ITGB6: variants seen among roughly 807,000 people sequenced by gnomAD.
ITGB6 encodes integrin subunit beta 6.
A neutral mutation model predicts 84.5 loss-of-function variants in ITGB6; 80 were observed. The ratio of observed to expected loss-of-function variants is 0.95; its 90% CI spans 0.79 to 1.14. The LOEUF (loss-of-function observed/expected upper bound fraction) is 1.14, where lower values mean the gene tolerates loss of function less well. Among genes scored for constraint, ITGB6 ranks in the 50% most tolerant of loss-of-function variants. ITGB6 has a pLI of 0.00. For synonymous variants in ITGB6, 383 were observed against 354.9 expected, an observed-to-expected ratio of 1.08 and a Z score of -0.89; for missense variants, 1,006 against 968.0, an observed-to-expected ratio of 1.04 and a Z score of -0.52.
chr2:160,195,290 C>T, intron 4 of ITGB6, 79 bp downstream of exon 4: 1 of 1,564,962 alleles, frequency 6.4e-7, no homozygotes, highest in Non-Finnish European at 8.7e-7. Context: ...TTAGCAAGCT[C>T]CTGGCAAGTG....
chr2:160,107,609 T>G, intron 14 of ITGB6, 70 bp downstream of exon 14: 4 of 1,395,362 alleles, frequency 2.9e-6, no homozygotes, highest in Non-Finnish European at 4.0e-6. Flanking sequence ...AGAAGAAAGC[T>G]GAGCCCCTCA....
chr2:160,118,142 G>T (rs1022526705), intron 12 of ITGB6, among the ~76,000 whole-genome samples: 8 of 152,106 alleles, frequency 5.3e-5, no homozygotes, highest in African/African-American at 1.9e-4. Context: ...GAAAAAGGGG[G>T]AATCCTCCCT....
chr2:160,192,168 AC>A (rs1276980035), intron 4 of ITGB6, among the ~76,000 whole-genome samples: 1 of 152,098 alleles, frequency 6.6e-6, no homozygotes, highest in East Asian at 1.9e-4. Context: ...TCTAGGATAA[AC>A]AAAATGAAAG....
chr2:160,185,430 G>T (rs940128085), intron 4 of ITGB6, among the ~76,000 whole-genome samples: 1 of 152,114 alleles, frequency 6.6e-6, no homozygotes, highest in Non-Finnish European at 1.5e-5. Flanking sequence ...GGATGTGAAG[G>T]ACCTCTTCAA....
intron 11 of ITGB6, among the ~76,000 whole-genome samples, 170 bp from the exon 12 acceptor site, chr2:160,124,058 T>C (rs1188267075): frequency 1.3e-5 from 2 of 152,266 alleles, no homozygotes; most frequent in Non-Finnish European, 2.9e-5. Context: ...AAGTGAACAC[T>C]GAATTATTCT....
chr2:160,132,514 G>A (rs72979930), intron 10 of ITGB6, among the ~76,000 whole-genome samples: 19,396 of 151,984 alleles, frequency 0.13, 1,756 homozygotes, highest in Admixed American at 0.28. Flanking sequence ...TCCTAACGCT[G>A]TCTTTTAAAA....
intron 7 of ITGB6, among the ~76,000 whole-genome samples, chr2:160,142,781 A>G (rs1189543480): frequency 6.6e-6 from 1 of 152,220 alleles, no homozygotes; most frequent in Non-Finnish European, 1.5e-5. Flanking sequence ...CACTCCAGGC[A>G]TCGGGCATGG....
intron 7 of ITGB6, among the ~76,000 whole-genome samples, chr2:160,144,826 C>T (rs1684132336): frequency 6.6e-6 from 1 of 152,168 alleles, no homozygotes; most frequent in Non-Finnish European, 1.5e-5. Flanking sequence ...AAGTGGTTAC[C>T]ATTAATCGCT....
chr2:160,121,873 A>G (rs545405870), intron 12 of ITGB6, among the ~76,000 whole-genome samples: 10 of 151,298 alleles, frequency 6.6e-5, no homozygotes, highest in Admixed American at 6.6e-5. Context: ...CAATTCATAC[A>G]GATTATAAAG....
At chr2:160,109,475 A>T (rs1355983361) in intron 13 of ITGB6, among the ~76,000 whole-genome samples, 1 of 152,236 alleles carries the variant, frequency 6.6e-6, no homozygotes, top group Non-Finnish European at 1.5e-5. Flanking sequence ...CTGCACCTAG[A>T]CATGAATTAG....
chr2:160,157,108 A>G (rs902206378), intron 7 of ITGB6, among the ~76,000 whole-genome samples: 1 of 152,114 alleles, frequency 6.6e-6, no homozygotes, highest in Non-Finnish European at 1.5e-5. Flanking sequence ...GTCCATTGTC[A>G]CATGATGTTC....
chr2:160,102,823 C>T (rs1189628527), intron 14 of ITGB6, among the ~76,000 whole-genome samples: 1 of 152,180 alleles, frequency 6.6e-6, no homozygotes, highest in Non-Finnish European at 1.5e-5. Flanking sequence ...CCAGCTCCAC[C>T]ACATGACCGT....
At chr2:160,105,541 TAGA>T (rs1466351861) in intron 14 of ITGB6, among the ~76,000 whole-genome samples, 9 of 152,182 alleles carry the variant, frequency 5.9e-5, no homozygotes, top group African/African-American at 2.2e-4. Flanking sequence ...AGGCTGTGCT[TAGA>T]AGAACAATGA....
At chr2:160,105,040 A>G (rs1315690852) in intron 14 of ITGB6, among the ~76,000 whole-genome samples, 1 of 152,240 alleles carries the variant, frequency 6.6e-6, no homozygotes, top group East Asian at 1.9e-4. Context: ...AAACTCAGTT[A>G]AATTGAAGAC....
intron 6 of ITGB6, among the ~76,000 whole-genome samples, chr2:160,170,267 C>A (rs1685152790): frequency 2.0e-5 from 3 of 152,176 alleles, no homozygotes; most frequent in Admixed American, 2.0e-4. Context: ...GTATTTTCAT[C>A]TAAAGCCTTC....
chr2:160,159,930 A>G (rs1684757739), intron 7 of ITGB6, among the ~76,000 whole-genome samples: 1 of 152,172 alleles, frequency 6.6e-6, no homozygotes, highest in South Asian at 2.1e-4. Context: ...TTACAAGTCC[A>G]TGAGGACAAA....
chr2:160,133,962 T>C (rs1158157770), intron 10 of ITGB6, among the ~76,000 whole-genome samples: 2 of 151,962 alleles, frequency 1.3e-5, no homozygotes, highest in Admixed American at 6.6e-5. Flanking sequence ...AGGAAAGATC[T>C]AAAACTGACA....
Position 160,126,606 on chromosome 2 carries a change from A to G in ITGB6, c.1661-5T>C. The G allele has an allele frequency of 6.2e-7, 1 of 1,611,800 alleles. No individual in the cohort carries two copies. On this transcript the variant is annotated splice_region_variant and splice_polypyrimidine_tract_variant and intron_variant, in intron 10 of 14. Coordinates refer to ENST00000283249, the MANE Select transcript of ITGB6 (RefSeq NM_000888.5). ...CACAGTCACAGTCGCCGTTACCTGT[A>G]ACACAAAATGCTCTATGCTTCTCAC...
rs1441806618 is a variant in ITGB6 at position 160,100,993 on chromosome 2, A to G, written c.*743T>C. 1.3e-5 allele frequency: 2 copies of G among 152,210 alleles called. No homozygotes were observed. The highest frequency in any genetic ancestry group is 2.9e-5 in the Non-Finnish European group (2 of 68,024). The allele number at this position is 152,210 out of a possible 1,614,324, so 9.4% of individuals were successfully genotyped here. ...GAGAAGTAACAGTTTGAAAACTCAG[A>G]GTCAAAAAGGAAACAGTGTAGAATA... On this transcript the variant is annotated 3_prime_UTR_variant, in exon 15 of 15. Transcript: ENST00000283249.
Sources: allele counts gnomAD v4.1 joint callset (sites outside exome capture counted in the v4.1 genomes callset), GRCh38; gene constraint gnomAD v4.1.1; transcripts MANE v1.5; gene names NCBI Gene and HGNC (gene_info 2026-07-23, HGNC 2026-07-21).